Variants in CUX2 observed in about 807,000 individuals in gnomAD.
The protein encoded by CUX2 is cut like homeobox 2.
Under a neutral mutation model 144.8 loss-of-function variants are expected in CUX2, and 40 were observed. The ratio of observed to expected loss-of-function variants is 0.28; its 90% CI spans 0.21 to 0.36. The LOEUF is 0.36. Among genes scored for constraint, CUX2 ranks in the 10% least tolerant of loss-of-function variants. The probability of loss-of-function intolerance (pLI) is 1.00; values close to 1 mark genes in which losing one functional copy is unlikely to be tolerated. For synonymous variants in CUX2, 827 were observed against 875.6 expected (o/e 0.94, Z 0.98); for missense variants, 1,615 against 1,994.0 (o/e 0.81, Z 3.62).
chr12:111,301,512 T>C (rs985152783), intron 9 of CUX2, among the ~76,000 whole-genome samples: 2 of 150,856 alleles, frequency 1.3e-5, no homozygotes, highest in Non-Finnish European at 2.9e-5. Flanking sequence ...GTAAGACTAG[T>C]AGCTTTTTTT....
chr12:111,295,765 A>AATTAATTAATTTATTAATTT lies in CUX2; in HGVS notation c.637+367_637+368insTATTAATTTATTAATTAATT, dbSNP rs1555213130. Among the ~76,000 whole-genome samples, 1 of 151,360 alleles carries AATTAATTAATTTATTAATTT rather than the reference A, an allele frequency of 6.6e-6. No individual in the cohort carries two copies. The highest frequency in any genetic ancestry group is 2.0e-4 in the East Asian group (1 of 5,028). Reference sequence around the variant, plus strand: ...AGACCCTGTCTCTAATTAATTAATTAATTAATTAATTAATTTAATACAACC... The same window carrying AATTAATTAATTTATTAATTT: ...AGACCCTGTCTCTAATTAATTAATTAATTAATTAATTTATTAATTTATTAATTAATTAATTTAATACAACC... On this transcript the variant is annotated intron_variant, in intron 7 of 21. Coordinates refer to ENST00000261726, the MANE Select transcript of CUX2 (RefSeq NM_015267.4). The surrounding 1 kb of genome is among the most constrained non-coding windows in gnomAD (Gnocchi z 5.0).
intron 4 of CUX2, among the ~76,000 whole-genome samples, chr12:111,268,421 G>A (rs1428561922): frequency 6.6e-6 from 1 of 152,182 alleles, no homozygotes; most frequent in Non-Finnish European, 1.5e-5. Flanking sequence ...ACATTCACAG[G>A]TTCCAGGCGT....
At chr12:111,146,272 G>A (rs1349475842) in intron 1 of CUX2, among the ~76,000 whole-genome samples, 2 of 152,168 alleles carry the variant, frequency 1.3e-5, no homozygotes, top group African/African-American at 4.8e-5. Flanking sequence ...GTATGACGAC[G>A]TGGCTCCACC....
At chr12:111,050,669 C>T (rs1870219793) in intron 1 of CUX2, among the ~76,000 whole-genome samples, 1 of 152,158 alleles carries the variant, frequency 6.6e-6, no homozygotes, top group South Asian at 2.1e-4. Flanking sequence ...CCTCCTGCAT[C>T]CCATCTCCTA....
Position 111,103,865 on chromosome 12 carries a change from G to T in CUX2, c.63+69625G>T, listed in dbSNP as rs140095946. On this transcript the variant is annotated intron_variant, in intron 1 of 21. Transcript: ENST00000261726. ...CTTTTCCCCTGTATGGGTGGGCTTT[G>T]TTCTGAGCCAGGATTCTCCCCTGGC... Among the ~76,000 whole-genome samples the T allele has an allele frequency of 6.7e-3, 1,017 of 152,326 alleles. 13 individuals carry two copies. The highest frequency in any genetic ancestry group is 0.023 in the African/African-American group (970 of 41,564).
Position 111,099,526 on chromosome 12 carries a change from G to A in CUX2, c.63+65286G>A, listed in dbSNP as rs115875870. ...CAGGCAGGGCAAGTTGTGGGGAGGTGGGGGTGGCCCCCTATTTGTTGGGGG... is the reference window on the plus strand; with the variant it reads ...CAGGCAGGGCAAGTTGTGGGGAGGTAGGGGTGGCCCCCTATTTGTTGGGGG... On this transcript the variant is annotated intron_variant, in intron 1 of 21. Coordinates refer to ENST00000261726, the MANE Select transcript of CUX2 (RefSeq NM_015267.4). The A allele has an allele frequency of 1.9e-3, 884 of 456,584 alleles. 10 individuals carry two copies. Among genetic ancestry groups the A allele is most frequent in the African/African-American group, 0.016 (805 of 50,198 alleles). 28.3% of individuals were successfully genotyped at this position (456,584 alleles called of 1,614,324 possible).
At chr12:111,275,422 G>C (rs75267600) in intron 4 of CUX2, among the ~76,000 whole-genome samples, 1 of 152,232 alleles carries the variant, frequency 6.6e-6, no homozygotes, top group Non-Finnish European at 1.5e-5. Flanking sequence ...TATTGTGGGA[G>C]TGAGTAGGGA....
At chr12:111,269,528 A>G (rs929463491) in intron 4 of CUX2, among the ~76,000 whole-genome samples, 3 of 152,184 alleles carry the variant, frequency 2.0e-5, no homozygotes, top group Non-Finnish European at 2.9e-5. Flanking sequence ...AGAAGTGACC[A>G]GATCATCGGT....
chr12:111,320,784 A>C lies in CUX2; in HGVS notation c.2766+9A>C. ...GGATCTTCGGGGAGAAGGTGAGTGC[A>C]GGGCGGGCCCCCGGTGTCTGGGCTC... On this transcript the variant is annotated intron_variant, in intron 17 of 21. Coordinates refer to ENST00000261726, the MANE Select transcript of CUX2 (RefSeq NM_015267.4). This position sits in a 1 kb window ranked among gnomAD's most constrained non-coding sequence, Gnocchi z 8.1. 1 of 1,507,348 alleles carries C rather than the reference A, an allele frequency of 6.6e-7. No homozygotes were observed. Among genetic ancestry groups the C allele is most frequent in the Non-Finnish European group, 8.8e-7 (1 of 1,131,646 alleles). 93.4% of individuals were successfully genotyped at this position (1,507,348 alleles called of 1,614,324 possible).
At chr12:111,325,351 C>G (rs1465129880) in intron 18 of CUX2, among the ~76,000 whole-genome samples, 1 of 152,108 alleles carries the variant, frequency 6.6e-6, no homozygotes, top group South Asian at 2.1e-4. Context: ...ACTTACCACA[C>G]ATAGCACCAA....
intron 1 of CUX2, among the ~76,000 whole-genome samples, chr12:111,192,631 G>A (rs563037374): frequency 3.3e-5 from 5 of 152,282 alleles, no homozygotes; most frequent in South Asian, 4.1e-4. Context: ...GTTCATCATC[G>A]CAGCCCACCC....
At chr12:111,081,198 A>G (rs1871867159) in intron 1 of CUX2, among the ~76,000 whole-genome samples, 1 of 152,166 alleles carries the variant, frequency 6.6e-6, no homozygotes, top group Non-Finnish European at 1.5e-5. Flanking sequence ...TTGTCCACCC[A>G]GAGTGTCCAG....
intron 3 of CUX2, among the ~76,000 whole-genome samples, chr12:111,231,547 T>C (rs1187137968): frequency 6.6e-6 from 1 of 152,138 alleles, no homozygotes; most frequent in Non-Finnish European, 1.5e-5. Context: ...AGAGGTGCAA[T>C]TGCATGCTTT....
chr12:111,178,462 A>T lies in CUX2; in HGVS notation c.64-35738A>T, dbSNP rs1878983188. On this transcript the variant is annotated intron_variant, in intron 1 of 21. Coordinates refer to ENST00000261726, the MANE Select transcript of CUX2 (RefSeq NM_015267.4). The surrounding 1 kb of genome is among the most constrained non-coding windows in gnomAD (Gnocchi z 5.7). ...CTTGTTCCACAACTTCCTTGGCTCA[A>T]GGGTGGACTTATGACCCGGTCCAGC... Among the ~76,000 whole-genome samples, 1 of 152,126 alleles carries T rather than the reference A, an allele frequency of 6.6e-6. No homozygotes were observed. The highest frequency in any genetic ancestry group is 1.5e-5 in the Non-Finnish European group (1 of 68,018).
intron 3 of CUX2, among the ~76,000 whole-genome samples, chr12:111,259,067 GTGTGTT>G (rs1279293498): frequency 1.3e-5 from 2 of 148,794 alleles, no homozygotes; most frequent in Non-Finnish European, 3.0e-5. Flanking sequence ...GTGTGTGTGT[GTGTGTT>G]TGTGTGTGTG....
chr12:111,214,156 T>C (rs749163202), intron 1 of CUX2, 44 bp from the exon 2 acceptor site: 23 of 1,238,632 alleles, frequency 1.9e-5, no homozygotes, highest in Non-Finnish European at 1.8e-5. Context: ...AAAAATCTTT[T>C]TCTTTTCTCT....
chr12:111,283,762 G>C (rs1224464191), intron 4 of CUX2, among the ~76,000 whole-genome samples: 2 of 152,128 alleles, frequency 1.3e-5, no homozygotes, highest in African/African-American at 4.8e-5. Context: ...GTAGAGAGGG[G>C]TTTCACCATG....
intron 1 of CUX2, among the ~76,000 whole-genome samples, chr12:111,116,099 T>C (rs1274145968): frequency 1.3e-5 from 2 of 152,228 alleles, no homozygotes; most frequent in African/African-American, 4.8e-5. Context: ...GCATTATATG[T>C]TGAGAACTCC....
rs906767676 is a variant in CUX2 at position 111,168,959 on chromosome 12, C to T, written c.64-45241C>T. The stretch of plus-strand genomic sequence containing the variant: ...TCAGAGCCCCCTGCCTGCCCCCTCC[C>T]CCCACTGTCATCACTACCCCTCCAT... On this transcript the variant is annotated intron_variant, in intron 1 of 21. Coordinates refer to ENST00000261726, the MANE Select transcript of CUX2 (RefSeq NM_015267.4). Among the ~76,000 whole-genome samples, 3 of 151,818 alleles carry T rather than the reference C, an allele frequency of 2.0e-5. 1 individual carries two copies. Among genetic ancestry groups the T allele is most frequent in the African/African-American group, 7.3e-5 (3 of 41,296 alleles).
Sources: gnomAD v4.1 joint callset for allele counts (sites outside exome capture counted in the v4.1 genomes callset) on GRCh38, gnomAD v4.1.1 for gene constraint, Gnocchi (gnomAD v3.1) non-coding constraint, MANE v1.5 for transcripts, NCBI Gene and HGNC (gene_info 2026-07-23, HGNC 2026-07-21) for gene names.